Variants in BLTP1 observed in about 807,000 individuals in gnomAD.
BLTP1 encodes fragile site-associated protein.
chr4:122,283,878 T>C, the BLTP1 span, among the ~76,000 whole-genome samples: 6 of 152,208 alleles, frequency 3.9e-5, no homozygotes, highest in Non-Finnish European at 8.8e-5. Context: ...GGAACTTAAT[T>C]GAATCTATAG....
chr4:122,240,100 A>G, the BLTP1 span: 1 of 1,614,208 alleles, frequency 6.2e-7, no homozygotes, highest in Non-Finnish European at 8.5e-7. Flanking sequence ...GGTGGAGAAG[A>G]TGATGTTATA....
At chr4:122,333,552 T>C in the BLTP1 span, 2 of 1,438,002 alleles carry the variant, frequency 1.4e-6, no homozygotes, top group Middle Eastern at 2.4e-4. Context: ...GATGAGTAGG[T>C]TGCGAAAAGT....
chr4:122,261,961 TG>T, the BLTP1 span: 1 of 985,440 alleles, frequency 1.0e-6, no homozygotes, highest in Non-Finnish European at 1.2e-6. Flanking sequence ...TTCACAGCAC[TG>T]GTATCCATTG....
chr4:122,341,913 G>C, the BLTP1 span: 1 of 663,006 alleles, frequency 1.5e-6, no homozygotes. Flanking sequence ...TCCCAGGAGA[G>C]AATACAAAAT....
the BLTP1 span, chr4:122,258,652 G>T: frequency 2.6e-6 from 4 of 1,558,850 alleles, no homozygotes; most frequent in East Asian, 4.7e-5. Context: ...GATGTTTCAT[G>T]AAAATGTGTG....
At chr4:122,254,065 C>T in the BLTP1 span, 5 of 790,348 alleles carry the variant, frequency 6.3e-6, no homozygotes, top group Admixed American at 5.3e-5. Flanking sequence ...TCCTTCAAAC[C>T]TGAAGGAGAA....
chr4:122,320,993 T>C, the BLTP1 span, among the ~76,000 whole-genome samples: 5 of 150,474 alleles, frequency 3.3e-5, no homozygotes, highest in Admixed American at 6.6e-5. Flanking sequence ...TCTTTTCTTT[T>C]TTTTTTTTTT....
the BLTP1 span, among the ~76,000 whole-genome samples, chr4:122,237,787 G>A: frequency 6.6e-5 from 10 of 151,946 alleles, no homozygotes; most frequent in African/African-American, 1.4e-4. Context: ...GATCAAGACC[G>A]TCCTGGCCAA....
the BLTP1 span, among the ~76,000 whole-genome samples, chr4:122,232,929 A>C: frequency 6.6e-6 from 1 of 152,176 alleles, no homozygotes; most frequent in Non-Finnish European, 1.5e-5. Flanking sequence ...GCCTTTGTGC[A>C]TATTGGATTC....
chr4:122,328,325 G>A, the BLTP1 span: 1 of 1,610,278 alleles, frequency 6.2e-7, no homozygotes, highest in Non-Finnish European at 8.5e-7. Context: ...AAGACCATGA[G>A]AGGGAAAGGT....
At chr4:122,318,687 A>G in the BLTP1 span, among the ~76,000 whole-genome samples, 3 of 152,296 alleles carry the variant, frequency 2.0e-5, no homozygotes, top group Admixed American at 6.5e-5. Context: ...CCTGTCAGCT[A>G]CTGTGCATTG....
chr4:122,167,009 C>T, the BLTP1 span, among the ~76,000 whole-genome samples: 2 of 152,088 alleles, frequency 1.3e-5, no homozygotes, highest in Non-Finnish European at 2.9e-5. Context: ...CTTATCTTTA[C>T]TTTCTGTCCC....
chr4:122,185,967 A>T, the BLTP1 span: 2 of 1,244,062 alleles, frequency 1.6e-6, no homozygotes, highest in Admixed American at 5.0e-5. Context: ...GTGTATAAAA[A>T]TGTTTGAGTA....
chr4:122,231,643 A>T, the BLTP1 span: 2 of 956,640 alleles, frequency 2.1e-6, no homozygotes, highest in Non-Finnish European at 2.5e-6. Context: ...TTTTGCTAGT[A>T]ATCAAATAGC....
chr4:122,229,608 C>CAAAA, the BLTP1 span: 1 of 501,872 alleles, frequency 2.0e-6, no homozygotes, highest in Non-Finnish European at 2.6e-6. Flanking sequence ...GTTTCCCACT[C>CAAAA]TTTTATGGAT....
the BLTP1 span, chr4:122,307,382 A>C: frequency 4.0e-6 from 3 of 749,050 alleles, no homozygotes; most frequent in Admixed American, 6.3e-5. Context: ...AGGGATGCTC[A>C]ACCTGCATTT....
the BLTP1 span, chr4:122,207,626 G>A: frequency 6.3e-7 from 1 of 1,598,078 alleles, no homozygotes; most frequent in Non-Finnish European, 8.5e-7. Context: ...GTAATACCAA[G>A]TTCTCTTTAA....
chr4:122,279,830 G>A, the BLTP1 span: 2 of 1,614,066 alleles, frequency 1.2e-6, no homozygotes, highest in Non-Finnish European at 1.7e-6. Context: ...TGCCCAAAGA[G>A]GGCTGAAGAC....
the BLTP1 span, among the ~76,000 whole-genome samples, chr4:122,181,766 T>G: frequency 2.0e-5 from 3 of 152,010 alleles, no homozygotes; most frequent in African/African-American, 7.3e-5. Context: ...TCTTTACTTT[T>G]GAAGGACATT....
Sources: allele counts gnomAD v4.1 joint callset (sites outside exome capture counted in the v4.1 genomes callset), GRCh38; gene constraint gnomAD v4.1.1; transcripts MANE v1.5; gene names NCBI Gene and HGNC (gene_info 2026-07-23, HGNC 2026-07-21).